STK10: variants seen among roughly 807,000 people sequenced by gnomAD.
The protein encoded by STK10 is serine/threonine-protein kinase 10.
A neutral mutation model predicts 113.8 loss-of-function variants in STK10; 78 were observed. That is an observed-to-expected ratio of 0.69 (90% confidence interval 0.57 to 0.83). The LOEUF is 0.83. Ranked by LOEUF, STK10 falls within the 40% of genes least tolerant of loss-of-function variation. The pLI is 0.00. For missense variants in STK10, 1,109 were observed against 1,280.1 expected, an observed-to-expected ratio of 0.87 and a Z score of 2.04; for synonymous variants, 465 against 494.7, an observed-to-expected ratio of 0.94 and a Z score of 0.80.
chr5:172,094,673 C>T (rs1157804175), intron 8 of STK10, among the ~76,000 whole-genome samples: 3 of 152,162 alleles, frequency 2.0e-5, no homozygotes, highest in East Asian at 1.9e-4. Context: ...TGTGTGCCAC[C>T]GCACCCAGCC....
At chr5:172,171,898 A>T (rs1156472998) in intron 1 of STK10, among the ~76,000 whole-genome samples, 1 of 152,182 alleles carries the variant, frequency 6.6e-6, no homozygotes, top group African/African-American at 2.4e-5. Flanking sequence ...ACAGTATAGC[A>T]TGGCTGGACA....
At chr5:172,091,906 G>T (rs1397659459) in intron 9 of STK10, among the ~76,000 whole-genome samples, 1 of 152,180 alleles carries the variant, frequency 6.6e-6, no homozygotes, top group Non-Finnish European at 1.5e-5. Flanking sequence ...GAGGAGTGAG[G>T]AGCCAGCGTG....
chr5:172,159,267 C>T (rs35656661), intron 1 of STK10, among the ~76,000 whole-genome samples: 10,014 of 152,214 alleles, frequency 0.066, 388 homozygotes, highest in South Asian at 0.13. Context: ...TGGCCAGGCA[C>T]GGTGGCTCAC....
intron 12 of STK10, among the ~76,000 whole-genome samples, chr5:172,075,367 C>G: frequency 6.6e-6 from 1 of 151,950 alleles, no homozygotes; most frequent in East Asian, 1.9e-4. Context: ...AGATCTGACC[C>G]AATACTTCAC....
At chr5:172,101,330 G>A (rs557596668) in intron 7 of STK10, among the ~76,000 whole-genome samples, 2 of 152,132 alleles carry the variant, frequency 1.3e-5, no homozygotes, top group South Asian at 2.1e-4. Flanking sequence ...AATTACCCAG[G>A]CGTGGTGGTG....
At chr5:172,157,355 G>A (rs1189457285) in intron 1 of STK10, among the ~76,000 whole-genome samples, 2 of 152,066 alleles carry the variant, frequency 1.3e-5, no homozygotes, top group Admixed American at 6.6e-5. Flanking sequence ...TCAGGAGTTC[G>A]AGACAAGCCT....
chr5:172,096,360 A>G, intron 8 of STK10, 66 bp downstream of exon 8: 3 of 1,590,718 alleles, frequency 1.9e-6, no homozygotes, highest in Non-Finnish European at 2.6e-6. Flanking sequence ...CCCCTCCCAC[A>G]CCAGCAGGGC....
At chr5:172,132,141 A>G (rs1276230618) in intron 2 of STK10, among the ~76,000 whole-genome samples, 1 of 152,226 alleles carries the variant, frequency 6.6e-6, no homozygotes, top group African/African-American at 2.4e-5. Context: ...ATGCACTGAG[A>G]CGATGGTAAT....
intron 1 of STK10, among the ~76,000 whole-genome samples, chr5:172,168,329 G>A (rs2113830387): frequency 6.6e-6 from 1 of 152,336 alleles, no homozygotes; most frequent in Middle Eastern, 3.4e-3. Context: ...TCTGGCCCCA[G>A]AGAAAACCAC....
rs5873300 is a variant in STK10, at chr5:172,089,393, CATGGATGGATGGATGG to C, written c.1685+823_1685+838del. 2.7e-3 allele frequency among the ~76,000 whole-genome samples: 354 copies of C among 132,996 alleles called. 1 individual carries two copies. The highest frequency in any genetic ancestry group is 0.012 in the South Asian group (51 of 4,172). 87.3% of individuals were successfully genotyped at this position (132,996 alleles called of 152,430 possible). ...CTCCAACCTGGTGGGTTGGTGGATACATGGATGGATGGATGGATGGATGGATGGATGGATGGATGGA... is the reference window on the plus strand; with the variant it reads ...CTCCAACCTGGTGGGTTGGTGGATACATGGATGGATGGATGGATGGATGGA... On this transcript the variant is annotated intron_variant, in intron 10 of 18. Transcript: ENST00000176763.
chr5:172,053,069 T>A, intron 17 of STK10, 27 bp from the exon 18 acceptor site: 1 of 1,603,910 alleles, frequency 6.2e-7, no homozygotes, highest in Non-Finnish European at 8.5e-7. Flanking sequence ...GCAGAACAGG[T>A]GAGAAATCAG....
intron 7 of STK10, among the ~76,000 whole-genome samples, chr5:172,097,834 C>G (rs1403576112): frequency 6.6e-6 from 1 of 152,148 alleles, no homozygotes; most frequent in Non-Finnish European, 1.5e-5. Flanking sequence ...ATGTCAGAGT[C>G]TTATTTAAAA....
intron 1 of STK10, among the ~76,000 whole-genome samples, chr5:172,160,474 C>CA (rs1184957305): frequency 9.8e-4 from 123 of 125,088 alleles, no homozygotes; most frequent in East Asian, 1.2e-3. Flanking sequence ...GATGCCATCT[C>CA]AAAAAAAAAA....
At chr5:172,159,620 G>A (rs1246194719) in intron 1 of STK10, among the ~76,000 whole-genome samples, 1 of 151,526 alleles carries the variant, frequency 6.6e-6, no homozygotes, top group African/African-American at 2.4e-5. Flanking sequence ...TCAGAAATTC[G>A]AGACCAGCCT....
At chr5:172,141,230 C>T (rs1304896151) in intron 2 of STK10, among the ~76,000 whole-genome samples, 2 of 152,146 alleles carry the variant, frequency 1.3e-5, no homozygotes, top group African/African-American at 2.4e-5. Context: ...GTGCTGTACA[C>T]GTTAAAATGT....
chr5:172,187,715 C>T lies in STK10; in HGVS notation c.156+172G>A, dbSNP rs1770980504. ...CCAGAGCGCAGGGACTCGGCCGGGC[C>T]GAGTGATGTTCCCCCCAAAAAACAA... On this transcript the variant is annotated intron_variant, in intron 1 of 18. Coordinates refer to ENST00000176763, the MANE Select transcript of STK10 (RefSeq NM_005990.4). This position sits in a 1 kb window ranked among gnomAD's most constrained non-coding sequence, Gnocchi z 4.6. Among the ~76,000 whole-genome samples, 1 of 152,190 alleles carries T rather than the reference C, an allele frequency of 6.6e-6. No homozygotes were observed.
In STK10 at chr5:172,093,531, C is replaced by A; in HGVS notation, c.1435G>T (p.Gly479Trp). 1 of 1,614,246 alleles carries A rather than the reference C, an allele frequency of 6.2e-7. No homozygotes were observed. Among genetic ancestry groups the A allele is most frequent in the Non-Finnish European group, 8.5e-7 (1 of 1,180,046 alleles). The part of the protein sequence containing the change: ...SLEPPAQAAP[G>W]PSKRDSDCSS... ...CAGTCCGAGTCCCTCTTGGAAGGCC[C>A]TGGAGCTGCCTGGGCAGGTGGCTCC... Residue 479 changes from glycine to tryptophan, a missense_variant, in exon 9 of 19, where the codon GGG becomes TGG. Physicochemically the swap from Gly to Trp is radical, Grantham distance 184. Transcript: ENST00000176763. The surrounding 1 kb of genome is among the most constrained non-coding windows in gnomAD (Gnocchi z 4.1).
chr5:172,127,298 C>T, intron 3 of STK10, 75 bp downstream of exon 3: 1 of 1,546,208 alleles, frequency 6.5e-7, no homozygotes, highest in East Asian at 2.3e-5. Context: ...CTAGACAGAG[C>T]TGTCCAGCAG....
chr5:172,066,006 A>AC (rs1049803881), intron 12 of STK10, among the ~76,000 whole-genome samples: 1 of 152,214 alleles, frequency 6.6e-6, no homozygotes, highest in Admixed American at 6.5e-5. Flanking sequence ...TAAGGACCTT[A>AC]GAGTTCCTCA....
Sources: gnomAD v4.1 joint callset for allele counts (sites outside exome capture counted in the v4.1 genomes callset) on GRCh38, gnomAD v4.1.1 for gene constraint, Gnocchi (gnomAD v3.1) non-coding constraint, MANE v1.5 for transcripts, NCBI Gene and HGNC (gene_info 2026-07-23, HGNC 2026-07-21) for gene names.